Variants in MICA observed in about 807,000 individuals in gnomAD.
MICA encodes the protein HLA class I antigen.
Under a neutral mutation model 34.3 loss-of-function variants are expected in MICA, and 18 were observed. That is an observed-to-expected ratio of 0.52 (90% CI 0.36 to 0.78). MICA has a LOEUF of 0.78. Ranked by LOEUF, MICA falls within the 30% of genes least tolerant of loss-of-function variation. MICA has a pLI of 0.00. For synonymous variants in MICA, 135 were observed against 156.9 expected, an observed-to-expected ratio of 0.86 and a Z score of 1.04; for missense variants, 333 against 409.4, an observed-to-expected ratio of 0.81 and a Z score of 1.61.
At chr6:31,409,323 A>G (rs3032981) in intron 1 of MICA, among the ~76,000 whole-genome samples, 23,328 of 139,506 alleles carry the variant, frequency 0.17, 2,111 homozygotes, top group South Asian at 0.27. Context: ...GTGTGTGTGT[A>G]TGTGTGTGTG....
At chr6:31,404,412 ACCT>A (rs1770634962) in intron 1 of MICA, among the ~76,000 whole-genome samples, 2 of 148,712 alleles carry the variant, frequency 1.3e-5, no homozygotes, top group African/African-American at 2.5e-5. Context: ...ATTCCCTCTC[ACCT>A]CCTCCCTGCC....
chr6:31,408,827 A>C (rs570263509), intron 1 of MICA, among the ~76,000 whole-genome samples: 55 of 151,902 alleles, frequency 3.6e-4, no homozygotes, highest in Middle Eastern at 3.4e-3. Context: ...AACATGGTGA[A>C]ACCCCATCTC....
intron 1 of MICA, among the ~76,000 whole-genome samples, chr6:31,407,323 G>A (rs1458738553): frequency 1.3e-5 from 2 of 151,790 alleles, no homozygotes; most frequent in East Asian, 1.9e-4. Context: ...CGCAACCTCC[G>A]CCTCCCAGGT....
At chr6:31,410,292 G>A (rs1364949580) in intron 1 of MICA, among the ~76,000 whole-genome samples, 2 of 151,892 alleles carry the variant, frequency 1.3e-5, no homozygotes, top group African/African-American at 4.8e-5. Context: ...CCCTTAGGGG[G>A]CTTGTGGCCA....
At chr6:31,408,254 TC>T (rs1770852281) in intron 1 of MICA, among the ~76,000 whole-genome samples, 1 of 151,966 alleles carries the variant, frequency 6.6e-6, no homozygotes, top group Admixed American at 6.6e-5. Flanking sequence ...TGCTAGTATT[TC>T]CTTGACGATT....
chr6:31,404,635 C>T (rs1359508775), intron 1 of MICA, among the ~76,000 whole-genome samples: 1 of 151,952 alleles, frequency 6.6e-6, no homozygotes, highest in Non-Finnish European at 1.5e-5. Context: ...ATGTCCCTGA[C>T]TCTAACTTTC....
At chr6:31,403,021 C>T (rs566344231), upstream of MICA, among the ~76,000 whole-genome samples, 32 of 151,718 alleles carry the variant, frequency 2.1e-4, no homozygotes, top group Non-Finnish European at 4.0e-4. This position sits in a 1 kb window ranked among gnomAD's most constrained non-coding sequence, Gnocchi z 4.7. Context: ...AAAGCTGAAA[C>T]GTCTAAGAGA....
upstream of MICA, among the ~76,000 whole-genome samples, chr6:31,403,062 G>T (rs1160644543): frequency 6.6e-6 from 1 of 151,900 alleles, no homozygotes; most frequent in Non-Finnish European, 1.5e-5. This position sits in a 1 kb window ranked among gnomAD's most constrained non-coding sequence, Gnocchi z 4.7. Context: ...TACTGCGGCA[G>T]GTGCTTCTGA....
chr6:31,401,942 T>C (rs143499322), upstream of MICA, among the ~76,000 whole-genome samples: 1,786 of 151,886 alleles, frequency 0.012, 65 homozygotes, highest in African/African-American at 0.041. Context: ...GAGATGTGCG[T>C]TGGGGACAAG....
chr6:31,410,221 T>TCCA (rs1771020142), intron 1 of MICA, among the ~76,000 whole-genome samples: 1 of 151,776 alleles, frequency 6.6e-6, no homozygotes, highest in Non-Finnish European at 1.5e-5. Flanking sequence ...AGACCTTCCT[T>TCCA]CCACCACCTT....
At chr6:31,405,707 C>G (rs1228161802) in intron 1 of MICA, among the ~76,000 whole-genome samples, 6 of 151,818 alleles carry the variant, frequency 4.0e-5, no homozygotes, top group Non-Finnish European at 8.8e-5. Flanking sequence ...CCTGCTCCCC[C>G]ACTCCCCACT....
At chr6:31,402,812 G>A (rs1448204826), upstream of MICA, among the ~76,000 whole-genome samples, 1 of 151,750 alleles carries the variant, frequency 6.6e-6, no homozygotes, top group Non-Finnish European at 1.5e-5. Context: ...CGGAGGTACA[G>A]ATGTCCTAAG....
chr6:31,403,314 C>CA (rs887056891), upstream of MICA, among the ~76,000 whole-genome samples: 3 of 151,808 alleles, frequency 2.0e-5, no homozygotes, highest in Non-Finnish European at 4.4e-5. The surrounding 1 kb of genome is among the most constrained non-coding windows in gnomAD (Gnocchi z 4.7). Flanking sequence ...GGAGGGCAGG[C>CA]AGGGCCCTGG....
upstream of MICA, among the ~76,000 whole-genome samples, chr6:31,401,072 G>A (rs1284826176): frequency 4.6e-5 from 7 of 151,762 alleles, no homozygotes; most frequent in Non-Finnish European, 7.4e-5. Context: ...TTGGGGGCGA[G>A]CTGAATCAGA....
intron 1 of MICA, among the ~76,000 whole-genome samples, chr6:31,406,401 T>C (rs931633541): frequency 1.6e-5 from 2 of 123,686 alleles, no homozygotes; most frequent in Non-Finnish European, 3.3e-5. Flanking sequence ...TTAAATTGGA[T>C]TATTATATTT....
chr6:31,403,245 G>A (rs980763319), upstream of MICA, among the ~76,000 whole-genome samples: 2 of 151,830 alleles, frequency 1.3e-5, no homozygotes, highest in South Asian at 2.1e-4. This position sits in a 1 kb window ranked among gnomAD's most constrained non-coding sequence, Gnocchi z 4.7. Flanking sequence ...GGCGAAAGGG[G>A]CTTGGTGAGG....
rs1322421835 is a variant in MICA, at chr6:31,411,691, C to G, written c.614-256C>G. ...CCATCCTGGAGAGTTCCCTCCTGGC[C>G]CCACAACCCAGGAGTCCACCCCTGA... is the stretch of plus-strand genomic sequence containing the variant. On this transcript the variant is annotated intron_variant, in intron 3 of 5. Coordinates refer to ENST00000449934, the MANE Select transcript of MICA (RefSeq NM_001177519.3). This position sits in a 1 kb window ranked among gnomAD's most constrained non-coding sequence, Gnocchi z 4.3. Among the ~76,000 whole-genome samples, 1 of 151,678 alleles carries G rather than the reference C, an allele frequency of 6.6e-6. No homozygotes were observed. The highest frequency in any genetic ancestry group is 1.5e-5 in the Non-Finnish European group (1 of 67,968).
At position 31,405,198 on chromosome 6, in the gene MICA, T is replaced by C. The variant is rs116270078; in HGVS notation, c.70+1496T>C. Among the ~76,000 whole-genome samples, 430 of 151,222 alleles carry C rather than the reference T, an allele frequency of 2.8e-3. 14 individuals carry two copies. The East Asian group carries it at 0.051, about 18-fold the overall frequency. The stretch of plus-strand genomic sequence containing the variant: ...TAAAACAGGCTGTTGGGCCAACTGT[T>C]CCTTGACCTTCCTTCTTTTCTTTTG... On this transcript the variant is annotated intron_variant, in intron 1 of 5. Transcript: ENST00000449934.
chr6:31,406,990 C>T (rs1463704734), intron 1 of MICA, among the ~76,000 whole-genome samples: 1 of 151,732 alleles, frequency 6.6e-6, no homozygotes, highest in East Asian at 1.9e-4. Context: ...TAATGTGATT[C>T]CTCTAGTTTT....
Sources: gnomAD v4.1 joint callset for allele counts (sites outside exome capture counted in the v4.1 genomes callset) on GRCh38, gnomAD v4.1.1 for gene constraint, Gnocchi (gnomAD v3.1) non-coding constraint, MANE v1.5 for transcripts, NCBI Gene and HGNC (gene_info 2026-07-23, HGNC 2026-07-21) for gene names.